ATP10A: variants seen among roughly 807,000 people sequenced by gnomAD.
ATP10A encodes phospholipid-transporting ATPase VA.
A neutral mutation model predicts 147.8 loss-of-function variants in ATP10A; 111 were observed. That is an observed-to-expected ratio of 0.75 (90% CI 0.64 to 0.88). The LOEUF (loss-of-function observed/expected upper bound fraction) is 0.88, where lower values mean the gene tolerates loss of function less well. Among genes scored for constraint, ATP10A ranks in the 40% least tolerant of loss-of-function variants. The pLI is 0.00. For missense variants in ATP10A, 1,927 were observed against 1,959.0 expected, an observed-to-expected ratio of 0.98 and a Z score of 0.31; for synonymous variants, 875 against 841.6, an observed-to-expected ratio of 1.04 and a Z score of -0.69.
chr15:25,696,449 T>A (rs1027795354), intron 13 of ATP10A, among the ~76,000 whole-genome samples: 1 of 152,188 alleles, frequency 6.6e-6, no homozygotes, highest in African/African-American at 2.4e-5. Flanking sequence ...TCACAGGAAC[T>A]CCATGAGCTC....
chr15:25,808,070 G>A (rs967012081), intron 1 of ATP10A, among the ~76,000 whole-genome samples: 1 of 152,116 alleles, frequency 6.6e-6, no homozygotes, highest in African/African-American at 2.4e-5. Flanking sequence ...AACACACCTC[G>A]AGATTTAACT....
At chr15:25,791,784 C>T (rs1437149773) in intron 1 of ATP10A, among the ~76,000 whole-genome samples, 1 of 152,076 alleles carries the variant, frequency 6.6e-6, no homozygotes, top group Non-Finnish European at 1.5e-5. Context: ...CTGTCTTTTG[C>T]TTTGGAAATA....
chr15:25,725,868 T>C, intron 5 of ATP10A, 83 bp downstream of exon 5: 1 of 1,458,428 alleles, frequency 6.9e-7, no homozygotes, highest in East Asian at 2.4e-5. Context: ...TCTGCCCGCC[T>C]CGGCCTCCCA....
At chr15:25,736,274 T>C in intron 2 of ATP10A, 133 bp from the exon 3 acceptor site, 1 of 713,504 alleles carries the variant, frequency 1.4e-6, no homozygotes, top group South Asian at 1.5e-5. Flanking sequence ...TGAATCTCTC[T>C]GGAAAGCCAA....
chr15:25,792,873 C>CTTTTTTTT lies in ATP10A; in HGVS notation c.450-11658_450-11651dup, dbSNP rs56011953. On this transcript the variant is annotated intron_variant, in intron 1 of 20. Coordinates refer to ENST00000555815, the MANE Select transcript of ATP10A (RefSeq NM_024490.4). The stretch of plus-strand genomic sequence containing the variant: ...TTACAAAAAGTTGCTCCTTTTCAAT[C>CTTTTTTTT]TTTTTTTTTTTTTTGAGATGGAGTT... Among the ~76,000 whole-genome samples, 842 of 134,172 alleles carry CTTTTTTTT rather than the reference C, an allele frequency of 6.3e-3. 20 individuals carry two copies. Among genetic ancestry groups the CTTTTTTTT allele is most frequent in the African/African-American group, 0.022 (761 of 34,734 alleles). 88.0% of individuals were successfully genotyped at this position (134,172 alleles called of 152,430 possible). A position where few individuals can be genotyped will look rare whatever the true frequency, so the allele number is the denominator to read the frequency against.
rs1487072685 is a variant in ATP10A at position 25,707,835 on chromosome 15, C to T, written c.2575+141G>A. 14 of 1,214,224 alleles carry T rather than the reference C, an allele frequency of 1.2e-5. 1 individual carries two copies. The highest frequency in any genetic ancestry group is 9.2e-5 in the South Asian group (6 of 65,262). The allele number at this position is 1,214,224 out of a possible 1,614,324, so 75.2% of individuals were successfully genotyped here. ...GATTCAGGCAAGCACCCTCCCGCCT[C>T]GGCTGTGCCAGCGTCCTGCCAGGTG... On this transcript the variant is annotated intron_variant, in intron 12 of 20. Coordinates refer to ENST00000555815, the MANE Select transcript of ATP10A (RefSeq NM_024490.4).
intron 2 of ATP10A, among the ~76,000 whole-genome samples, chr15:25,750,284 A>C (rs1037961823): frequency 9.9e-5 from 15 of 152,278 alleles, no homozygotes; most frequent in Admixed American, 5.9e-4. Context: ...CACTGGAGCA[A>C]CATCTTTAAA....
At chr15:25,687,553 A>G in intron 16 of ATP10A, 150 bp downstream of exon 16, 1 of 552,368 alleles carries the variant, frequency 1.8e-6, no homozygotes, top group Admixed American at 3.6e-5. Flanking sequence ...GAGCCAGCCC[A>G]GGACAGGGGA....
At chr15:25,728,130 G>A (rs1210427132) in intron 3 of ATP10A, among the ~76,000 whole-genome samples, 5 of 152,090 alleles carry the variant, frequency 3.3e-5, no homozygotes, top group African/African-American at 4.8e-5. Flanking sequence ...CCCCCTCTCC[G>A]CACGCATTCC....
At chr15:25,692,731 C>T (rs1900105434) in intron 14 of ATP10A, among the ~76,000 whole-genome samples, 1 of 152,168 alleles carries the variant, frequency 6.6e-6, no homozygotes, top group Non-Finnish European at 1.5e-5. Flanking sequence ...TGCAACGATG[C>T]TCTCTACATT....
At chr15:25,711,842 G>C (rs1901441377) in intron 10 of ATP10A, among the ~76,000 whole-genome samples, 1 of 152,202 alleles carries the variant, frequency 6.6e-6, no homozygotes, top group Non-Finnish European at 1.5e-5. Flanking sequence ...CTGGGCAGGG[G>C]CTCCCCTACC....
At chr15:25,768,657 C>G (rs1221192476) in intron 2 of ATP10A, among the ~76,000 whole-genome samples, 1 of 151,376 alleles carries the variant, frequency 6.6e-6, no homozygotes, top group Non-Finnish European at 1.5e-5. Context: ...AATCCTCCCA[C>G]CTCACCTGCC....
upstream of ATP10A, among the ~76,000 whole-genome samples, chr15:25,863,886 C>T (rs1893888967): frequency 6.6e-6 from 1 of 152,246 alleles, no homozygotes; most frequent in South Asian, 2.1e-4. Context: ...AGACCGTTTC[C>T]TTTCCACCAT....
chr15:25,702,063 G>A lies in ATP10A; in HGVS notation c.2613C>T (p.Val871=), dbSNP rs754211442. Residue 871 remains valine, a synonymous_variant, in exon 13 of 21, where the codon GTC becomes GTT. Transcript: ENST00000555815. ...GACGCAATTTAGAAATAGTTTCAGG[G>A]ACTCCGTCCTGCAGGCGGTCTTCAA... is the stretch of plus-strand genomic sequence containing the variant. ...TGIEDRLQDG[V]PETISKLRQA... is the part of the protein sequence containing the mutation. 1.2e-6 allele frequency: 2 copies of A among 1,614,050 alleles called. No homozygotes were observed. Among genetic ancestry groups the A allele is most frequent in the East Asian group, 2.2e-5 (1 of 44,890 alleles).
At position 25,726,005 on chromosome 15, in the gene ATP10A, C is replaced by T. The variant is rs376376053; in HGVS notation, c.925G>A (p.Asp309Asn). 33 of 1,614,130 alleles carry T rather than the reference C, an allele frequency of 2.0e-5. No individual in the cohort carries two copies. The highest frequency in any genetic ancestry group is 1.5e-4 in the Admixed American group (9 of 60,028). ...AGGAGCAGGACACACCAGAGCACGT[C>T]GCAGTTCATCTGCCTCTCCAGCTTG... Reference protein sequence around the residue: ...RSKLERQMNCDVLWCVLLLVC... With the variant: ...RSKLERQMNCNVLWCVLLLVC... Residue 309 changes from aspartate to asparagine, a missense_variant, in exon 5 of 21, where the codon GAC becomes AAC. By Grantham distance (23) the Asp-to-Asn change is conservative. Coordinates refer to ENST00000555815, the MANE Select transcript of ATP10A (RefSeq NM_024490.4).
intron 2 of ATP10A, among the ~76,000 whole-genome samples, chr15:25,761,450 C>T (rs926485615): frequency 5.3e-5 from 8 of 152,214 alleles, no homozygotes; most frequent in East Asian, 1.9e-4. Flanking sequence ...CCAGAATGGT[C>T]GATCCACGGA....
intron 3 of ATP10A, among the ~76,000 whole-genome samples, chr15:25,734,096 A>T (rs1292181484): frequency 6.6e-6 from 1 of 151,810 alleles, no homozygotes; most frequent in African/African-American, 2.4e-5. Context: ...CACCACCCAG[A>T]CTCCTGTCCT....
At position 25,679,424 on chromosome 15, in the gene ATP10A, C is replaced by G; in HGVS notation, c.4417G>C (p.Val1473Leu). Residue 1473 changes from valine (V) to leucine (L), a missense_variant, in exon 21 of 21, where the codon GTC (valine) becomes CTC (leucine). Val to Leu is a conservative substitution (Grantham distance 32, BLOSUM62 1). Transcript: ENST00000555815. ...ADGQAGRGLP[V>L]QPHSGRSGLQ... ...CCTGATCGGCCTGAGTGGGGCTGGACAGGAAGTCCACGTCCCGCTTGTCCA... is the reference window on the plus strand; with the variant it reads ...CCTGATCGGCCTGAGTGGGGCTGGAGAGGAAGTCCACGTCCCGCTTGTCCA... The G allele has an allele frequency of 6.2e-7, 1 of 1,613,782 alleles. No individual in the cohort carries two copies. Among genetic ancestry groups the G allele is most frequent in the Non-Finnish European group, 8.5e-7 (1 of 1,179,750 alleles).
At chr15:25,698,583 T>C (rs1900482521) in intron 13 of ATP10A, among the ~76,000 whole-genome samples, 1 of 152,204 alleles carries the variant, frequency 6.6e-6, no homozygotes, top group African/African-American at 2.4e-5. Flanking sequence ...TCAAAAGTTA[T>C]ATGTGGATTT....
Sources: gnomAD v4.1 joint callset for allele counts (sites outside exome capture counted in the v4.1 genomes callset) on GRCh38, gnomAD v4.1.1 for gene constraint, MANE v1.5 for transcripts, NCBI Gene and HGNC (gene_info 2026-07-23, HGNC 2026-07-21) for gene names.